The following SLC4A4 variants were observed in gnomAD, a reference collection of about 807,000 sequenced individuals.
The protein encoded by SLC4A4 is solute carrier family 4 member 4.
SLC4A4 carries 27 observed loss-of-function variants against 111.5 expected under a neutral mutation model. The observed-to-expected ratio is 0.24, with a 90% CI of 0.18 to 0.33. The LOEUF (loss-of-function observed/expected upper bound fraction) is 0.33, where lower values mean the gene tolerates loss of function less well. Ranked by LOEUF, SLC4A4 falls within the 10% of genes least tolerant of loss-of-function variation. SLC4A4 has a pLI of 1.00. For synonymous variants in SLC4A4, 443 were observed against 463.4 expected (o/e 0.96, Z 0.57); for missense variants, 909 against 1,315.5 (o/e 0.69, Z 4.78).
At chr4:71,422,760 A>G (rs1241428193) in intron 7 of SLC4A4, among the ~76,000 whole-genome samples, 1 of 152,168 alleles carries the variant, frequency 6.6e-6, no homozygotes, top group Non-Finnish European at 1.5e-5. Flanking sequence ...CAATAGATGC[A>G]GAAAAGGCCT....
intron 13 of SLC4A4, 72 bp downstream of exon 13, chr4:71,466,649 T>G: frequency 6.9e-7 from 1 of 1,452,978 alleles, no homozygotes. Flanking sequence ...AGATAGAGCA[T>G]AGAATAGTGA....
chr4:71,401,976 ATC>A (rs1213295639), intron 7 of SLC4A4, among the ~76,000 whole-genome samples: 1 of 152,182 alleles, frequency 6.6e-6, no homozygotes, highest in African/African-American at 2.4e-5. Context: ...TAATCTGAGA[ATC>A]TATTCCATAG....
chr4:71,404,796 T>C (rs72852181), intron 7 of SLC4A4, among the ~76,000 whole-genome samples: 8,362 of 151,958 alleles, frequency 0.055, 792 homozygotes, highest in African/African-American at 0.19. Flanking sequence ...TAGGGAATCA[T>C]TCTTTTTTTT....
chr4:71,538,058 A>T (rs1338371956), intron 18 of SLC4A4, among the ~76,000 whole-genome samples: 1 of 151,880 alleles, frequency 6.6e-6, no homozygotes, highest in East Asian at 1.9e-4. Flanking sequence ...AGGGTTTCTG[A>T]TGTTGGTTTA....
At chr4:71,368,118 G>A (rs749587926) in intron 6 of SLC4A4, among the ~76,000 whole-genome samples, 4 of 152,098 alleles carry the variant, frequency 2.6e-5, no homozygotes, top group Admixed American at 6.5e-5. Context: ...TAATTATGCC[G>A]TCTCTATTTT....
At chr4:71,436,754 T>C (rs1409297051) in intron 7 of SLC4A4, among the ~76,000 whole-genome samples, 1 of 152,160 alleles carries the variant, frequency 6.6e-6, no homozygotes, top group Non-Finnish European at 1.5e-5. Flanking sequence ...TCTCAACAAA[T>C]ATTCATTTGA....
At chr4:71,452,066 T>A (rs980692564) in intron 11 of SLC4A4, among the ~76,000 whole-genome samples, 10 of 147,432 alleles carry the variant, frequency 6.8e-5, no homozygotes, top group African/African-American at 2.5e-4. Flanking sequence ...ATACTTATTT[T>A]ATGAAGATAT....
At chr4:71,451,941 A>G (rs1207826619) in intron 11 of SLC4A4, among the ~76,000 whole-genome samples, 11 of 152,188 alleles carry the variant, frequency 7.2e-5, no homozygotes, top group Non-Finnish European at 1.6e-4. Context: ...CTTAGCCTGC[A>G]ATTGGGAATT....
At chr4:71,424,215 A>C (rs1476807840) in intron 7 of SLC4A4, among the ~76,000 whole-genome samples, 97 of 152,162 alleles carry the variant, frequency 6.4e-4, no homozygotes, top group Non-Finnish European at 3.5e-4. Context: ...GAAGACATTT[A>C]TGCAGCCAAA....
At chr4:71,430,264 AGCTTTGAACATTGTAG>A (rs1723517909) in intron 7 of SLC4A4, among the ~76,000 whole-genome samples, 1 of 152,202 alleles carries the variant, frequency 6.6e-6, no homozygotes, top group African/African-American at 2.4e-5. Context: ...CTTATTACTA[AGCTTTGAACATTGTAG>A]GCACCCATAA....
chr4:71,498,697 G>T (rs1466607942), intron 16 of SLC4A4, among the ~76,000 whole-genome samples: 1 of 152,100 alleles, frequency 6.6e-6, no homozygotes, highest in African/African-American at 2.4e-5. Flanking sequence ...GAAGTAGATA[G>T]CCCAAGGAAT....
rs569368395 is a variant in SLC4A4, at chr4:71,534,766, A to G, written c.2442+378A>G. ...TGAGCATCTGCTTTCTCTTAAATCA[A>G]CTCAGGTTTATTCTTAAAGATTATT... is the stretch of plus-strand genomic sequence containing the variant. On this transcript the variant is annotated intron_variant, in intron 18 of 25. Coordinates refer to ENST00000264485, the MANE Select transcript of SLC4A4 (RefSeq NM_001098484.3). Among the ~76,000 whole-genome samples, 326 of 152,268 alleles carry G rather than the reference A, an allele frequency of 2.1e-3. 2 individuals are homozygous for G. The highest frequency in any genetic ancestry group is 3.8e-3 in the Non-Finnish European group (256 of 68,012).
At chr4:71,080,237 C>T (rs12509348) in intron 1 of SLC4A4, among the ~76,000 whole-genome samples, 82,643 of 151,922 alleles carry the variant, frequency 0.54, 26,054 homozygotes, top group East Asian at 0.76. Flanking sequence ...TGCAAGACTC[C>T]GGAAGGTAGA....
intron 7 of SLC4A4, among the ~76,000 whole-genome samples, chr4:71,398,317 T>C (rs1579008655): frequency 6.8e-6 from 1 of 147,742 alleles, no homozygotes; most frequent in African/African-American, 2.5e-5. Flanking sequence ...TGCTAAGAAA[T>C]GCTGAAATTG....
At chr4:71,419,282 T>A (rs1010003212) in intron 7 of SLC4A4, among the ~76,000 whole-genome samples, 13 of 152,228 alleles carry the variant, frequency 8.5e-5, no homozygotes, top group African/African-American at 3.1e-4. Context: ...TGTTTGTCTG[T>A]GCCCTGCCCC....
intron 3 of SLC4A4, among the ~76,000 whole-genome samples, chr4:71,271,608 A>G (rs140468210): frequency 6.6e-6 from 1 of 152,330 alleles, no homozygotes; most frequent in South Asian, 2.1e-4. Context: ...AATCAGTTAC[A>G]TATTTCTTAT....
intron 1 of SLC4A4, among the ~76,000 whole-genome samples, chr4:71,211,512 A>G (rs1304686097): frequency 6.6e-6 from 1 of 152,228 alleles, no homozygotes; most frequent in Non-Finnish European, 1.5e-5. Context: ...ATTTCTGTCC[A>G]TCCTAATTGC....
chr4:71,137,214 A>G lies in SLC4A4; in HGVS notation c.-2+44422A>G, dbSNP rs1028479159. 3.3e-5 allele frequency among the ~76,000 whole-genome samples: 5 copies of G among 152,252 alleles called. No individual in the cohort carries two copies. The East Asian group carries it at 7.7e-4, about 24-fold the overall frequency. ...TGCCCGCTGACTCCACTCTGACTCTATATTGAAGTTATGATAGAAGCCCTC... is the reference window on the plus strand; with the variant it reads ...TGCCCGCTGACTCCACTCTGACTCTGTATTGAAGTTATGATAGAAGCCCTC... On this transcript the variant is annotated intron_variant, in intron 2 of 26. Transcript: ENST00000649996.
chr4:71,159,889 C>T (rs1325115683), intron 2 of SLC4A4, among the ~76,000 whole-genome samples: 1 of 145,902 alleles, frequency 6.9e-6, no homozygotes, highest in Non-Finnish European at 1.5e-5. Flanking sequence ...TTCTATAGTT[C>T]TATAGTTCTA....
Sources: gnomAD v4.1 joint callset for allele counts (sites outside exome capture counted in the v4.1 genomes callset) on GRCh38, gnomAD v4.1.1 for gene constraint, MANE v1.5 for transcripts, NCBI Gene and HGNC (gene_info 2026-07-23, HGNC 2026-07-21) for gene names.